The following VPS13C variants were observed in gnomAD, a reference collection of about 807,000 sequenced individuals.
VPS13C encodes vacuolar protein sorting 13 homolog C, also known as intermembrane lipid transfer protein VPS13C.
Under a neutral mutation model 456.8 loss-of-function variants are expected in VPS13C, and 358 were observed. The ratio of observed to expected loss-of-function variants is 0.78; its 90% CI spans 0.72 to 0.86. VPS13C has a LOEUF of 0.86. Among genes scored for constraint, VPS13C ranks in the 40% least tolerant of loss-of-function variants. The pLI is 0.00. For synonymous variants in VPS13C, 1,578 were observed against 1,486.7 expected (o/e 1.06, Z -1.41); for missense variants, 4,818 against 4,385.4 (o/e 1.10, Z -2.79).
At chr15:61,884,296 A>G in intron 67 of VPS13C, 27 bp from the exon 68 acceptor site, 2 of 1,603,190 alleles carry the variant, frequency 1.2e-6, no homozygotes, top group Non-Finnish European at 8.5e-7. Flanking sequence ...AAAAAATTAA[A>G]TTAGCAATAT....
chr15:62,027,866 AGAG>A (rs2047688846), intron 6 of VPS13C, among the ~76,000 whole-genome samples: 4 of 152,066 alleles, frequency 2.6e-5, no homozygotes, highest in African/African-American at 9.7e-5. Context: ...ACAGTAGTCT[AGAG>A]GCACCTCCAG....
In VPS13C at chr15:61,984,957, C is replaced by A. The variant is rs536809121; in HGVS notation, c.1621G>T (p.Val541Phe). Reference sequence around the variant, plus strand: ...ATATTCTTGTTTTCTCTTATCGTAACAGAGGTGCTTACTAACTTCAGGGTC... The same window carrying A: ...ATATTCTTGTTTTCTCTTATCGTAAAAGAGGTGCTTACTAACTTCAGGGTC... ...IMTLKLVSTS[V>F]TIRENKNIPE... Residue 541 changes from valine (V) to phenylalanine (F), a missense_variant, in exon 19 of 85, where the codon GTT becomes TTT. By Grantham distance (50) the Val-to-Phe change is conservative (BLOSUM62 -1). Coordinates refer to ENST00000644861, the MANE Select transcript of VPS13C (RefSeq NM_020821.3). 4 of 1,605,584 alleles carry A rather than the reference C, an allele frequency of 2.5e-6. No individual in the cohort carries two copies. The African/African-American group carries it at 4.0e-5, about 16-fold the overall frequency.
intron 2 of VPS13C, among the ~76,000 whole-genome samples, chr15:62,041,721 G>A (rs1390344113): frequency 2.0e-5 from 3 of 152,034 alleles, no homozygotes; most frequent in African/African-American, 7.3e-5. Context: ...TCAGGAGGCT[G>A]AGGCAGGAGA....
intron 28 of VPS13C, among the ~76,000 whole-genome samples, chr15:61,968,584 T>C (rs1348853243): frequency 1.3e-5 from 2 of 152,140 alleles, no homozygotes; most frequent in African/African-American, 4.8e-5. Flanking sequence ...TGTCCATTCC[T>C]ACATGCCTCA....
chr15:61,947,663 C>A (rs965514139), intron 42 of VPS13C, among the ~76,000 whole-genome samples: 3 of 151,942 alleles, frequency 2.0e-5, no homozygotes, highest in Non-Finnish European at 2.9e-5. Context: ...ATTCTGAACT[C>A]CTTTTCGTAT....
chr15:61,991,128 C>T, intron 17 of VPS13C, 34 bp from the exon 18 acceptor site: 1 of 1,461,708 alleles, frequency 6.8e-7, no homozygotes, highest in Non-Finnish European at 9.4e-7. Context: ...AAATTAATTG[C>T]TTCCATTTTA....
chr15:61,856,751 A>G (rs1409939556), intron 82 of VPS13C: 2 of 206,256 alleles, frequency 9.7e-6, no homozygotes, highest in Non-Finnish European at 1.9e-5. Context: ...CATCTTTGGA[A>G]CACATAAGAA....
chr15:62,013,887 A>T, intron 10 of VPS13C, 46 bp downstream of exon 10: 1 of 1,297,660 alleles, frequency 7.7e-7, no homozygotes, highest in Non-Finnish European at 1.1e-6. Context: ...AAAATAAATT[A>T]AGTGCACCTA....
intron 59 of VPS13C, 85 bp downstream of exon 59, chr15:61,918,051 G>C: frequency 7.2e-7 from 1 of 1,384,152 alleles, no homozygotes; most frequent in Non-Finnish European, 9.8e-7. Context: ...CTGATCTTTA[G>C]TTAATAAAAA....
At chr15:61,871,514 CA>C (rs1388306046) in intron 79 of VPS13C, among the ~76,000 whole-genome samples, 2 of 152,032 alleles carry the variant, frequency 1.3e-5, no homozygotes, top group Non-Finnish European at 2.9e-5. Flanking sequence ...TGTAGCTTTA[CA>C]GTAAGTTTTC....
chr15:61,887,233 C>T (rs1382992603), intron 67 of VPS13C, among the ~76,000 whole-genome samples: 2 of 152,202 alleles, frequency 1.3e-5, no homozygotes, highest in Non-Finnish European at 2.9e-5. Flanking sequence ...CAACTGCTTT[C>T]TTACATGCCA....
intron 1 of VPS13C, among the ~76,000 whole-genome samples, chr15:62,052,766 A>G (rs2140789477): frequency 6.6e-6 from 1 of 152,166 alleles, no homozygotes; most frequent in East Asian, 1.9e-4. Context: ...TAACCAATCT[A>G]GACTCCTTTT....
At chr15:61,898,590 C>G in intron 66 of VPS13C, among the ~76,000 whole-genome samples, 1 of 151,572 alleles carries the variant, frequency 6.6e-6, no homozygotes, top group East Asian at 1.9e-4. Flanking sequence ...CAGGAGCACC[C>G]AGATTCATAA....
intron 66 of VPS13C, among the ~76,000 whole-genome samples, chr15:61,891,274 G>C (rs2042642206): frequency 6.6e-6 from 1 of 151,964 alleles, no homozygotes. Context: ...TCAATAAGCA[G>C]TACGAGTACC....
chr15:61,978,720 C>T lies in VPS13C; in HGVS notation c.2196G>A (p.Lys732=), dbSNP rs757493453. The change falls in exon 23 of 85, where the codon AAG becomes AAA. Residue 732 remains lysine (K), a synonymous_variant. Coordinates refer to ENST00000644861, the MANE Select transcript of VPS13C (RefSeq NM_020821.3). ...TTTCTTCCAGAGATGAATTAGTAGT[C>T]TTCTGTAAACCTTGATCTTTACTGT... ...QLNSKDQGLQ[K]TTNSSLEEIM... 1.2e-6 allele frequency: 2 copies of T among 1,607,836 alleles called. No individual in the cohort carries two copies. Among genetic ancestry groups the T allele is most frequent in the South Asian group, 2.2e-5 (2 of 89,774 alleles).
In VPS13C at chr15:62,012,169, A is replaced by G; in HGVS notation, c.826-5T>C. 2.0e-6 allele frequency: 3 copies of G among 1,535,280 alleles called. No individual in the cohort carries two copies. Among genetic ancestry groups the G allele is most frequent in the Non-Finnish European group, 2.7e-6 (3 of 1,113,118 alleles). ...AATTTCATTTTTCAGCTGATCCTAA[A>G]CAAAAAATTTGAATGAGAATGAAAA... On this transcript the variant is annotated splice_region_variant and splice_polypyrimidine_tract_variant and intron_variant, in intron 11 of 84. Coordinates refer to ENST00000644861, the MANE Select transcript of VPS13C (RefSeq NM_020821.3).
intron 46 of VPS13C, among the ~76,000 whole-genome samples, chr15:61,941,113 CAAAT>C (rs2044406528): frequency 6.6e-6 from 1 of 152,176 alleles, no homozygotes; most frequent in Non-Finnish European, 1.5e-5. Flanking sequence ...GTCATGCAAA[CAAAT>C]GTTACATCCT....
chr15:61,878,519 G>A (rs1895621316), intron 74 of VPS13C, 88 bp downstream of exon 74: 1 of 1,514,564 alleles, frequency 6.6e-7, no homozygotes. Flanking sequence ...CTTTTCCTAA[G>A]CTAACATTGC....
chr15:61,923,970 A>G (rs1008760234), intron 53 of VPS13C, among the ~76,000 whole-genome samples: 7 of 136,030 alleles, frequency 5.1e-5, no homozygotes, highest in African/African-American at 2.0e-4. Context: ...GGTTCACGCC[A>G]TTCTCCTGCC....
Sources: gnomAD v4.1 joint callset for allele counts (sites outside exome capture counted in the v4.1 genomes callset) on GRCh38, gnomAD v4.1.1 for gene constraint, MANE v1.5 for transcripts, NCBI Gene and HGNC (gene_info 2026-07-23, HGNC 2026-07-21) for gene names.